The following SCN8A variants were observed in gnomAD, a reference collection of about 807,000 sequenced individuals.
SCN8A encodes sodium channel protein type 8 subunit alpha.
Under a neutral mutation model 184.1 loss-of-function variants are expected in SCN8A, and 30 were observed. The observed-to-expected ratio is 0.16, with a 90% confidence interval of 0.12 to 0.22. The LOEUF (loss-of-function observed/expected upper bound fraction) is 0.22. SCN8A is among the 10% of genes least tolerant of loss of function. The pLI, the probability that SCN8A is intolerant of heterozygous loss-of-function variation, is 1.00. For missense variants in SCN8A, 1,057 were observed against 2,498.9 expected (o/e 0.42, Z 12.30); for synonymous variants, 852 against 907.0 (o/e 0.94, Z 1.09).
At chr12:51,745,056 A>G (rs1022882363) in intron 12 of SCN8A, among the ~76,000 whole-genome samples, 1 of 152,180 alleles carries the variant, frequency 6.6e-6, no homozygotes, top group Non-Finnish European at 1.5e-5. Flanking sequence ...AAGCCACCCC[A>G]TTAAGCCTGA....
At chr12:51,648,814 C>T (rs1940647464) in intron 1 of SCN8A, among the ~76,000 whole-genome samples, 1 of 152,126 alleles carries the variant, frequency 6.6e-6, no homozygotes, top group Admixed American at 6.5e-5. Context: ...CCACCCCTGG[C>T]CCCTCCAAAT....
intron 19 of SCN8A, among the ~76,000 whole-genome samples, chr12:51,772,824 CAA>C (rs554840715): frequency 6.9e-6 from 1 of 144,156 alleles, no homozygotes; most frequent in East Asian, 2.0e-4. Flanking sequence ...ACTAAAAATA[CAA>C]AAAAAATTAA....
At chr12:51,765,560 C>T in intron 15 of SCN8A, 111 bp from the exon 16 acceptor site, 1 of 687,262 alleles carries the variant, frequency 1.5e-6, no homozygotes, top group Non-Finnish European at 2.4e-6. Flanking sequence ...TCCAAGGGTG[C>T]TCAATATATT....
intron 2 of SCN8A, among the ~76,000 whole-genome samples, chr12:51,672,745 G>A (rs541349678): frequency 6.6e-6 from 1 of 152,228 alleles, no homozygotes; most frequent in East Asian, 1.9e-4. Flanking sequence ...TTTCCTAGTT[G>A]ATGGCACCAG....
chr12:51,737,606 A>T (rs1376935215), intron 12 of SCN8A, among the ~76,000 whole-genome samples: 4 of 152,198 alleles, frequency 2.6e-5, no homozygotes, highest in African/African-American at 9.6e-5. Flanking sequence ...TTGTGGCACA[A>T]TGGTAGTGTC....
At chr12:51,620,679 A>G (rs907836533) in intron 1 of SCN8A, among the ~76,000 whole-genome samples, 2 of 151,984 alleles carry the variant, frequency 1.3e-5, no homozygotes, top group Admixed American at 6.6e-5. Flanking sequence ...GTTCCACATC[A>G]GCTAGACTTA....
At chr12:51,747,072 A>C (rs917085969) in intron 13 of SCN8A, among the ~76,000 whole-genome samples, 1 of 139,884 alleles carries the variant, frequency 7.1e-6, no homozygotes, top group South Asian at 2.3e-4. Context: ...ACCCAGTGCC[A>C]CTTCTACTCT....
chr12:51,788,539 G>T, intron 22 of SCN8A, 156 bp from the exon 23 acceptor site: 1 of 441,152 alleles, frequency 2.3e-6, no homozygotes, highest in South Asian at 8.6e-5. Flanking sequence ...CCTGGGACCT[G>T]TAGTAACAAA....
chr12:51,799,285 T>C (rs1938492880), intron 26 of SCN8A, among the ~76,000 whole-genome samples: 2 of 152,212 alleles, frequency 1.3e-5, no homozygotes, highest in South Asian at 2.1e-4. Context: ...GTGCATACCA[T>C]TTCCATTTGA....
At chr12:51,688,832 C>G in intron 5 of SCN8A, 173 bp from the exon 6 acceptor site, 1 of 1,613,578 alleles carries the variant, frequency 6.2e-7, no homozygotes, top group South Asian at 1.1e-5. Context: ...GCTTTGAAAA[C>G]TATTTCGGTA....
intron 5 of SCN8A, 150 bp downstream of exon 5, chr12:51,687,369 T>G: frequency 1.2e-6 from 1 of 865,108 alleles, no homozygotes; most frequent in East Asian, 2.7e-5. Context: ...CTTATGTCTA[T>G]GATTCTTGCT....
Position 51,786,595 on chromosome 12 carries a change from G to A in SCN8A, c.3996G>A (p.Leu1332=). Residue 1332 remains leucine, a synonymous_variant, in exon 22 of 27, where the codon CTG becomes CTA. Coordinates refer to ENST00000627620, the MANE Select transcript of SCN8A (RefSeq NM_001330260.2). Reference sequence around the variant, plus strand: ...TCCCCTCCATCATGAATGTGCTGCTGGTGTGTCTCATCTTCTGGCTGATTT... The same window carrying A: ...TCCCCTCCATCATGAATGTGCTGCTAGTGTGTCTCATCTTCTGGCTGATTT... ...GAIPSIMNVL[L]VCLIFWLIFS... 6.2e-7 allele frequency: 1 copy of A among 1,614,150 alleles called. No homozygotes were observed. Among genetic ancestry groups the A allele is most frequent in the African/African-American group, 1.3e-5 (1 of 75,026 alleles).
intron 6 of SCN8A, among the ~76,000 whole-genome samples, chr12:51,696,645 C>T (rs1448867503): frequency 6.6e-6 from 1 of 152,204 alleles, no homozygotes; most frequent in Non-Finnish European, 1.5e-5. Context: ...AGCTTCTCCA[C>T]TACTGCCCAC....
chr12:51,798,389 T>G (rs1309442982), intron 26 of SCN8A, among the ~76,000 whole-genome samples: 1 of 151,984 alleles, frequency 6.6e-6, no homozygotes, highest in Non-Finnish European at 1.5e-5. Context: ...ATATCCAGAG[T>G]AAGTGTCTGT....
At chr12:51,627,887 G>T (rs1228457820) in intron 1 of SCN8A, among the ~76,000 whole-genome samples, 1 of 152,194 alleles carries the variant, frequency 6.6e-6, no homozygotes, top group African/African-American at 2.4e-5. Flanking sequence ...CTGTCTCCTA[G>T]AGTGCAAAGT....
intron 7 of SCN8A, 138 bp downstream of exon 7, chr12:51,699,929 G>T (rs1358505328): frequency 1.5e-6 from 1 of 653,860 alleles, no homozygotes. Flanking sequence ...CACTTTGGGA[G>T]GCTGAGGCAG....
chr12:51,596,281 A>G (rs367705828), intron 1 of SCN8A, among the ~76,000 whole-genome samples: 18 of 152,166 alleles, frequency 1.2e-4, no homozygotes, highest in African/African-American at 4.1e-4. Flanking sequence ...GTGTTTGTCT[A>G]TTTATAAAAA....
chr12:51,698,319 G>A (rs1941628975), intron 6 of SCN8A, among the ~76,000 whole-genome samples: 1 of 152,212 alleles, frequency 6.6e-6, no homozygotes, highest in Non-Finnish European at 1.5e-5. Flanking sequence ...TAAGATTAGT[G>A]ATTATCTACC....
Position 51,780,708 on chromosome 12 carries a change from G to A in SCN8A, c.3879G>A (p.Lys1293=). Residue 1293 remains lysine (K), a synonymous_variant, in exon 21 of 27, where the codon AAG becomes AAA. Transcript: ENST00000627620. ...ALGYSELGAI[K]SLRTLRALRP... ...GCTACTCGGAACTAGGTGCCATAAA[G>A]TCCCTTAGGACCCTAAGAGCTTTGA... 6.2e-7 allele frequency: 1 copy of A among 1,601,244 alleles called. No homozygotes were observed. The highest frequency in any genetic ancestry group is 8.5e-7 in the Non-Finnish European group (1 of 1,174,294).
Sources: gnomAD v4.1 joint callset for allele counts (sites outside exome capture counted in the v4.1 genomes callset) on GRCh38, gnomAD v4.1.1 for gene constraint, MANE v1.5 for transcripts, NCBI Gene and HGNC (gene_info 2026-07-23, HGNC 2026-07-21) for gene names.